Variants in INTS9 observed in about 807,000 individuals in gnomAD.
The protein encoded by INTS9 is protein related to CPSF subunits of 74 kDa.
A neutral mutation model predicts 79.7 loss-of-function variants in INTS9; 55 were observed. The observed-to-expected ratio is 0.69, with a 90% CI of 0.56 to 0.86. The LOEUF (loss-of-function observed/expected upper bound fraction) is 0.86. INTS9 is among the 40% of genes least tolerant of loss of function. The pLI is 0.00. For missense variants in INTS9, 721 were observed against 831.5 expected (o/e 0.87, Z 1.64); for synonymous variants, 319 against 325.2 (o/e 0.98, Z 0.20).
At chr8:28,833,048 G>A (rs1424918979) in intron 6 of INTS9, among the ~76,000 whole-genome samples, 8 of 152,076 alleles carry the variant, frequency 5.3e-5, no homozygotes, top group Non-Finnish European at 1.2e-4. Flanking sequence ...AAGGTGCCTG[G>A]CACACAAGTG....
intron 13 of INTS9, among the ~76,000 whole-genome samples, chr8:28,777,119 C>A (rs774463292): frequency 1.3e-5 from 2 of 152,142 alleles, no homozygotes; most frequent in African/African-American, 2.4e-5. Context: ...TGTGAAAGGG[C>A]CTCTCTCATC....
At position 28,768,286 on chromosome 8, in the gene INTS9, T is replaced by C; in HGVS notation, c.1837A>G (p.Lys613Glu). 1 of 1,614,000 alleles carries C rather than the reference T, an allele frequency of 6.2e-7. No individual in the cohort carries two copies. The highest frequency in any genetic ancestry group is 1.1e-5 in the South Asian group (1 of 91,088). The stretch of plus-strand genomic sequence containing the variant: ...TCCTGGAGCAGGACGATATGGCCCT[T>C]GGCTGTGTCCTCCACCTTAATATCA... ...FSDIKVEDTA[K>E]GHIVLLQEAE... The change falls in exon 17 of 17, where the codon AAG becomes GAG. Residue 613 changes from lysine (K) to glutamate (E), a missense_variant. Lys to Glu is a moderately conservative substitution (Grantham distance 56). This residue lies in a region of INTS9 where 281 missense variants were observed against 300.8 expected (regional missense o/e 0.93). Transcript: ENST00000521022.
Position 28,889,857 on chromosome 8 carries a change from T to C in INTS9, c.9+17A>G. The stretch of plus-strand genomic sequence containing the variant: ...ATAGCATCACCTTTGCCCTCTGACC[T>C]AGGAGCGAAGACTCACCAGTTTCAT... On this transcript the variant is annotated intron_variant, in intron 1 of 16. Coordinates refer to ENST00000521022, the MANE Select transcript of INTS9 (RefSeq NM_018250.4). 2 of 1,613,886 alleles carry C rather than the reference T, an allele frequency of 1.2e-6. No individual in the cohort carries two copies. The highest frequency in any genetic ancestry group is 1.7e-6 in the Non-Finnish European group (2 of 1,179,860).
intron 8 of INTS9, among the ~76,000 whole-genome samples, chr8:28,800,383 T>G (rs1804452998): frequency 6.6e-6 from 1 of 151,516 alleles, no homozygotes; most frequent in South Asian, 2.1e-4. Context: ...GGATGGAGAG[T>G]GTACTTTGGG....
At chr8:28,778,112 G>A (rs1429325379) in intron 12 of INTS9, among the ~76,000 whole-genome samples, 159 bp from the exon 13 acceptor site, 1 of 152,220 alleles carries the variant, frequency 6.6e-6, no homozygotes, top group Admixed American at 6.5e-5. Context: ...CCCCGTGGAA[G>A]GAGGGGCAGG....
At chr8:28,868,076 T>C (rs572169404) in intron 1 of INTS9, among the ~76,000 whole-genome samples, 2 of 152,314 alleles carry the variant, frequency 1.3e-5, no homozygotes, top group South Asian at 2.1e-4. Flanking sequence ...ATGAAAGGCA[T>C]TGTCAGAGAC....
intron 10 of INTS9, among the ~76,000 whole-genome samples, chr8:28,792,492 A>C (rs568255873): frequency 6.6e-6 from 1 of 152,248 alleles, no homozygotes; most frequent in African/African-American, 2.4e-5. Flanking sequence ...CTTGCAAAAA[A>C]ACAAAAAAAT....
intron 6 of INTS9, among the ~76,000 whole-genome samples, chr8:28,821,861 C>A (rs1585414622): frequency 6.6e-6 from 1 of 152,006 alleles, no homozygotes; most frequent in East Asian, 1.9e-4. Flanking sequence ...CCTCAACCTC[C>A]TGAGCTCAAG....
At chr8:28,855,971 CCAA>C (rs1317610781) in intron 2 of INTS9, among the ~76,000 whole-genome samples, 7 of 152,042 alleles carry the variant, frequency 4.6e-5, no homozygotes, top group African/African-American at 1.7e-4. Flanking sequence ...TGTTAAAATG[CCAA>C]TAAATTGGTA....
chr8:28,867,344 A>T (rs1257885081), intron 1 of INTS9, among the ~76,000 whole-genome samples: 1 of 152,018 alleles, frequency 6.6e-6, no homozygotes, highest in African/African-American at 2.4e-5. Context: ...GCTTGAACCC[A>T]GGAGGCGGAG....
chr8:28,779,003 C>T (rs1803075593), intron 12 of INTS9, among the ~76,000 whole-genome samples: 1 of 152,214 alleles, frequency 6.6e-6, no homozygotes, highest in East Asian at 1.9e-4. Context: ...ACCCATTACC[C>T]AGAGTTGTCA....
chr8:28,796,462 A>G, intron 9 of INTS9, 82 bp downstream of exon 9: 1 of 789,446 alleles, frequency 1.3e-6, no homozygotes, highest in Non-Finnish European at 2.1e-6. Context: ...TCCTTCCCCC[A>G]TTATTGTAAA....
chr8:28,880,337 T>C (rs1227925029), intron 1 of INTS9, among the ~76,000 whole-genome samples: 1 of 148,422 alleles, frequency 6.7e-6, no homozygotes, highest in African/African-American at 2.5e-5. Context: ...TGCTGCCATC[T>C]CAGCTCACTG....
chr8:28,774,480 G>A lies in INTS9; in HGVS notation c.1563+1279C>T, dbSNP rs567374693. Among the ~76,000 whole-genome samples the A allele has an allele frequency of 8.5e-5, 13 of 152,190 alleles. No homozygotes were observed. The South Asian group carries it at 1.2e-3, about 15-fold the overall frequency. Reference sequence around the variant, plus strand: ...GAGAGTTGAAATCTAAACCAAGGCCGTCAATCCCAGCCCCTGTAAAATACC... The same window carrying A: ...GAGAGTTGAAATCTAAACCAAGGCCATCAATCCCAGCCCCTGTAAAATACC... On this transcript the variant is annotated intron_variant, in intron 14 of 16. Coordinates refer to ENST00000521022, the MANE Select transcript of INTS9 (RefSeq NM_018250.4).
intron 1 of INTS9, among the ~76,000 whole-genome samples, chr8:28,867,906 C>T (rs1000487201): frequency 2.6e-5 from 4 of 152,104 alleles, no homozygotes; most frequent in African/African-American, 9.7e-5. Context: ...AGGTAGGAAT[C>T]ATTTTCTCAT....
At chr8:28,769,857 G>A (rs370311943) in intron 16 of INTS9, 32 bp downstream of exon 16, 1 of 1,611,184 alleles carries the variant, frequency 6.2e-7, no homozygotes, top group African/African-American at 1.3e-5. Flanking sequence ...GCCACGTGTG[G>A]AGTTTTCACG....
At chr8:28,778,289 T>TC (rs1803016168) in intron 12 of INTS9, among the ~76,000 whole-genome samples, 1 of 152,206 alleles carries the variant, frequency 6.6e-6, no homozygotes, top group Non-Finnish European at 1.5e-5. Flanking sequence ...CCATTACAGT[T>TC]CATCACTTAT....
chr8:28,814,793 C>G (rs1054266199), intron 6 of INTS9, among the ~76,000 whole-genome samples: 1 of 152,174 alleles, frequency 6.6e-6, no homozygotes, highest in African/African-American at 2.4e-5. Context: ...TTATTCCCCT[C>G]AGGGTAGGGG....
chr8:28,873,868 G>A (rs1243883652), intron 1 of INTS9, among the ~76,000 whole-genome samples: 2 of 152,170 alleles, frequency 1.3e-5, no homozygotes, highest in Non-Finnish European at 2.9e-5. Flanking sequence ...AGAGATGAAA[G>A]TCAAGGAATT....
Sources: allele counts gnomAD v4.1 joint callset (sites outside exome capture counted in the v4.1 genomes callset), GRCh38; gene constraint gnomAD v4.1.1; regional missense constraint gnomAD v4.1.1; transcripts MANE v1.5; gene names NCBI Gene and HGNC (gene_info 2026-07-23, HGNC 2026-07-21).